HDAC9: variants seen among roughly 807,000 people sequenced by gnomAD.
HDAC9 encodes histone deacetylase 9.
Under a neutral mutation model 139.4 loss-of-function variants are expected in HDAC9, and 41 were observed. The observed-to-expected ratio is 0.29, with a 90% CI of 0.23 to 0.38. The LOEUF (loss-of-function observed/expected upper bound fraction) is 0.38, where lower values mean the gene tolerates loss of function less well. Among genes scored for constraint, HDAC9 ranks in the 10% least tolerant of loss-of-function variants. HDAC9 has a pLI of 1.00. For missense variants in HDAC9, 1,147 were observed against 1,297.0 expected (o/e 0.88, Z 1.78); for synonymous variants, 517 against 476.2 (o/e 1.09, Z -1.12).
chr7:18,719,692 C>T (rs955171867), intron 12 of HDAC9, among the ~76,000 whole-genome samples: 53 of 151,898 alleles, frequency 3.5e-4, no homozygotes, highest in Middle Eastern at 3.4e-3. Flanking sequence ...TGGTCTTATA[C>T]GCAAAAAAAG....
chr7:18,196,006 A>G (rs1351613423), intron 2 of HDAC9, among the ~76,000 whole-genome samples: 1 of 151,972 alleles, frequency 6.6e-6, no homozygotes, highest in Non-Finnish European at 1.5e-5. Context: ...TATATTCTCT[A>G]TATTCTTTTA....
chr7:18,221,888 T>C (rs1792732968), intron 2 of HDAC9, among the ~76,000 whole-genome samples: 1 of 152,184 alleles, frequency 6.6e-6, no homozygotes, highest in Admixed American at 6.5e-5. Context: ...CAGTTACAGC[T>C]TGCTTTAGTA....
intron 21 of HDAC9, among the ~76,000 whole-genome samples, chr7:18,859,423 C>G (rs1425513270): frequency 6.6e-6 from 1 of 152,052 alleles, no homozygotes; most frequent in Non-Finnish European, 1.5e-5. Flanking sequence ...CACTTCAGAA[C>G]TCTATTCAGG....
Position 18,379,401 on chromosome 7 carries a change from A to G in HDAC9, c.-42+88886A>G, listed in dbSNP as rs542519228. On this transcript the variant is annotated intron_variant, in intron 1 of 3. Transcript: ENST00000413509. Reference sequence around the variant, plus strand: ...CAACAGCTTTGTCTTGCTATGAGAAATCTGTTTGTATTGTGAGCATCTTTT... The same window carrying G: ...CAACAGCTTTGTCTTGCTATGAGAAGTCTGTTTGTATTGTGAGCATCTTTT... 9.9e-5 allele frequency among the ~76,000 whole-genome samples: 15 copies of G among 152,280 alleles called. No homozygotes were observed. In the South Asian group the frequency reaches 3.1e-3, roughly 32 times the overall value.
intron 2 of HDAC9, among the ~76,000 whole-genome samples, chr7:18,574,667 C>G (rs1272743624): frequency 6.6e-6 from 1 of 152,214 alleles, no homozygotes; most frequent in African/African-American, 2.4e-5. Flanking sequence ...CTCAATCTCC[C>G]ACTCATGCTC....
At chr7:18,543,636 C>G (rs1022467940) in intron 2 of HDAC9, 2 of 151,964 alleles carry the variant, frequency 1.3e-5, no homozygotes, top group African/African-American at 4.8e-5. Context: ...ATGCCAGATG[C>G]TATATTAAGT....
chr7:18,727,698 C>T lies in HDAC9; in HGVS notation c.1850C>T (p.Ala617Val). Residue 617 changes from alanine to valine, a missense_variant, in exon 13 of 26, where the codon GCT becomes GTT. Physicochemically the swap from Ala to Val is moderately conservative, Grantham distance 64. This residue lies in a region of HDAC9 where 256 missense variants were observed against 219.2 expected (regional missense o/e 1.17). Transcript: ENST00000686413. The part of the protein sequence containing the change: ...RLVSRTHSSP[A>V]ASVLPHPAMD... ...GTCTCCAGGACTCACTCTTCCCCTG[C>T]TGCCTCTGTTTTACCTCACCCAGCA... The T allele has an allele frequency of 1.3e-6, 2 of 1,582,510 alleles. No homozygotes were observed. The highest frequency in any genetic ancestry group is 1.7e-6 in the Non-Finnish European group (2 of 1,168,776).
At chr7:18,511,156 T>C (rs1173870458) in intron 2 of HDAC9, among the ~76,000 whole-genome samples, 1 of 152,162 alleles carries the variant, frequency 6.6e-6, no homozygotes, top group Non-Finnish European at 1.5e-5. Flanking sequence ...AAGATGAACA[T>C]AAAAATATTA....
intron 2 of HDAC9, among the ~76,000 whole-genome samples, chr7:18,257,300 C>T (rs953957934): frequency 6.8e-5 from 10 of 147,398 alleles, no homozygotes; most frequent in African/African-American, 1.2e-4. Flanking sequence ...AGGTGGAGGT[C>T]GCAATAAGCT....
intron 6 of HDAC9, among the ~76,000 whole-genome samples, chr7:18,607,355 C>T (rs1179184640): frequency 2.0e-5 from 3 of 152,184 alleles, no homozygotes; most frequent in African/African-American, 7.2e-5. Context: ...ATTAGATGAA[C>T]AAAGCTGAGA....
rs113676944 is a variant in HDAC9 at position 18,997,495 on chromosome 7, G to C, written c.*1433G>C. 5.3e-5 allele frequency: 8 copies of C among 152,216 alleles called. No homozygotes were observed. The highest frequency in any genetic ancestry group is 1.4e-4 in the African/African-American group (6 of 41,554). 9.4% of individuals were successfully genotyped at this position (152,216 alleles called of 1,614,324 possible). On this transcript the variant is annotated 3_prime_UTR_variant, in exon 26 of 26. Transcript: ENST00000686413. The stretch of plus-strand genomic sequence containing the variant: ...ACATATTGAGGTAGAATATCTCACA[G>C]TATTTAATATCTGACAATGCTTTTG...
At chr7:18,762,078 T>C in intron 14 of HDAC9, 79 bp from the exon 15 acceptor site, 1 of 1,465,356 alleles carries the variant, frequency 6.8e-7, no homozygotes, top group Non-Finnish European at 9.5e-7. Flanking sequence ...TTATTAATCA[T>C]CTTAAATGTG....
chr7:18,110,193 T>C (rs1013186037), intron 1 of HDAC9, among the ~76,000 whole-genome samples: 1 of 152,218 alleles, frequency 6.6e-6, no homozygotes, highest in Non-Finnish European at 1.5e-5. Context: ...GGTTTGTCTT[T>C]TTATAGTCAT....
At chr7:18,991,192 T>C (rs1785903210) in intron 25 of HDAC9, among the ~76,000 whole-genome samples, 1 of 152,192 alleles carries the variant, frequency 6.6e-6, no homozygotes, top group African/African-American at 2.4e-5. Flanking sequence ...TTATGGGATG[T>C]CTAGTATGTA....
chr7:18,789,415 A>G (rs925315639), intron 16 of HDAC9, among the ~76,000 whole-genome samples: 1 of 152,152 alleles, frequency 6.6e-6, no homozygotes, highest in Non-Finnish European at 1.5e-5. Flanking sequence ...AAAAATGACA[A>G]AGCATATTTT....
intron 2 of HDAC9, among the ~76,000 whole-genome samples, chr7:18,507,233 C>T (rs1284382226): frequency 6.7e-6 from 1 of 149,706 alleles, no homozygotes; most frequent in Non-Finnish European, 1.5e-5. Context: ...CTCTGTCGCC[C>T]AGGCTGGAGT....
At chr7:18,342,993 A>C (rs1782129101) in intron 1 of HDAC9, among the ~76,000 whole-genome samples, 1 of 151,842 alleles carries the variant, frequency 6.6e-6, no homozygotes, top group Non-Finnish European at 1.5e-5. Flanking sequence ...CATGGTGCTC[A>C]AAATGTTCCT....
intron 1 of HDAC9, chr7:18,325,639 T>G (rs1800380541): frequency 6.6e-6 from 1 of 152,008 alleles, no homozygotes; most frequent in Non-Finnish European, 1.5e-5. Context: ...GATATTTAAC[T>G]TCAGTTCGTG....
In HDAC9 at chr7:18,996,061, G is replaced by T. The variant is rs1467595479; in HGVS notation, c.3209G>T (p.Ter1070LeuextTer12). 6.2e-7 allele frequency: 1 copy of T among 1,603,466 alleles called. No individual in the cohort carries two copies. Among genetic ancestry groups the T allele is most frequent in the Admixed American group, 1.7e-5 (1 of 58,868 alleles). The stretch of plus-strand genomic sequence containing the variant: ...CCTATGGAAGAGGAGCCAGCCTTGT[G>T]AAGTGCCAAGTCCCCCTCTGATATT... Reference protein sequence around the residue: ...GEPMEEEPAL* With the variant: ...GEPMEEEPALL The change falls in exon 26 of 26, where the codon TGA (stop) becomes TTA (leucine). Residue 1070 changes from the stop codon to leucine, a stop_lost. Transcript: ENST00000686413.
Sources: gnomAD v4.1 joint callset for allele counts (sites outside exome capture counted in the v4.1 genomes callset) on GRCh38, gnomAD v4.1.1 for gene constraint, gnomAD v4.1.1 regional missense constraint, MANE v1.5 for transcripts, NCBI Gene and HGNC (gene_info 2026-07-23, HGNC 2026-07-21) for gene names.